CYB5RL: variants seen among roughly 807,000 people sequenced by gnomAD.
CYB5RL encodes the protein NADH-cytochrome b5 reductase-like.
Under a neutral mutation model 37.5 loss-of-function variants are expected in CYB5RL, and 38 were observed. The ratio of observed to expected loss-of-function variants is 1.01; its 90% confidence interval spans 0.78 to 1.33. The LOEUF is 1.33. Ranked by LOEUF, CYB5RL falls within the 40% of genes most tolerant of loss-of-function variation. The pLI, the probability that CYB5RL is intolerant of heterozygous loss-of-function variation, is 0.00. For missense variants in CYB5RL, 388 were observed against 394.4 expected, an observed-to-expected ratio of 0.98 and a Z score of 0.14; for synonymous variants, 141 against 151.9, an observed-to-expected ratio of 0.93 and a Z score of 0.53.
chr1:54,174,783 T>G lies in CYB5RL; in HGVS notation c.784A>C (p.Lys262Gln). The change falls in exon 8 of 8, where the codon AAA (lysine) becomes CAA (glutamine). Residue 262 changes from lysine to glutamine, a missense_variant. Physicochemically the swap from Lys to Gln is moderately conservative, Grantham distance 53. Transcript: ENST00000534324. Reference protein sequence around the residue: ...SEQLPWSYQEKTHFGHLGQDL... With the variant: ...SEQLPWSYQEQTHFGHLGQDL... ...TGGCCCAGGTGGCCAAAGTGGGTTT[T>G]CTCTTGGTAACTCCAGGGAAGCTGC... 6.2e-7 allele frequency: 1 copy of G among 1,613,878 alleles called. No individual in the cohort carries two copies. The highest frequency in any genetic ancestry group is 8.5e-7 in the Non-Finnish European group (1 of 1,179,868).
In CYB5RL at chr1:54,171,306, C is replaced by A. The variant is rs566277208; in HGVS notation, c.*3313G>T. The A allele has an allele frequency of 8.8e-6, 4 of 456,344 alleles. No homozygotes were observed. Among genetic ancestry groups the A allele is most frequent in the Non-Finnish European group, 1.8e-5 (4 of 226,802 alleles). 28.3% of individuals were successfully genotyped at this position (456,344 alleles called of 1,614,324 possible). A position where few individuals can be genotyped will look rare whatever the true frequency, so the allele number is the denominator to read the frequency against. On this transcript the variant is annotated 3_prime_UTR_variant, in exon 8 of 8. Coordinates refer to ENST00000534324, the MANE Select transcript of CYB5RL (RefSeq NM_001031672.4). ...GTGGGTGTGAGTGGGCGGTGGCATACAAAAAGTCTGGAGAGGTGGCAGAGC... is the reference window on the plus strand; with the variant it reads ...GTGGGTGTGAGTGGGCGGTGGCATAAAAAAAGTCTGGAGAGGTGGCAGAGC...
chr1:54,187,358 C>A (rs1643909748), intron 5 of CYB5RL, among the ~76,000 whole-genome samples: 1 of 152,190 alleles, frequency 6.6e-6, no homozygotes, highest in Non-Finnish European at 1.5e-5. Context: ...ACTCCTTCTT[C>A]AAGGTCCAAC....
Position 54,179,329 on chromosome 1 carries a change from AG to A in CYB5RL, c.563del (p.Ala188ValfsTer40). 1 of 1,613,446 alleles carries A rather than the reference AG, an allele frequency of 6.2e-7. No homozygotes were observed. Among genetic ancestry groups the A allele is most frequent in the Non-Finnish European group, 8.5e-7 (1 of 1,179,792 alleles). On this transcript the variant is annotated frameshift_variant, in exon 7 of 8. Coordinates refer to ENST00000534324, the MANE Select transcript of CYB5RL (RefSeq NM_001031672.4). LOFTEE classifies it high-confidence loss of function. The stretch of plus-strand genomic sequence containing the variant: ...CCATGGGGGCCAGGCCCGTGCCCGC[AG>A]CCAGCAAGAGGAGCTCACCATACTG... Reference protein sequence around the residue: ...PNQYGELLLLAAGTGLAPMVP... With the variant: ...PNQYGELLLLXAGTGLAPMVP...
rs930414308 is a variant in CYB5RL, at chr1:54,194,382, G to T, written c.198+1037C>A. 6.6e-5 allele frequency among the ~76,000 whole-genome samples: 10 copies of T among 151,480 alleles called. No individual in the cohort carries two copies. The East Asian group carries it at 7.7e-4, about 12-fold the overall frequency. On this transcript the variant is annotated intron_variant, in intron 3 of 7. Transcript: ENST00000534324. ...CAAAACTCCATCTCAAAAAAAAAAAGAAAGGAAAAGAAAAGATAAGAAAAA... is the reference window on the plus strand; with the variant it reads ...CAAAACTCCATCTCAAAAAAAAAAATAAAGGAAAAGAAAAGATAAGAAAAA...
intron 7 of CYB5RL, among the ~76,000 whole-genome samples, chr1:54,177,349 C>T (rs1660045997): frequency 2.0e-5 from 3 of 152,156 alleles, no homozygotes; most frequent in Admixed American, 2.0e-4. Context: ...ATGGCCAGCC[C>T]ACTCGCTTGC....
chr1:54,191,742 C>T (rs746879635), intron 3 of CYB5RL, among the ~76,000 whole-genome samples: 1 of 152,244 alleles, frequency 6.6e-6, no homozygotes, highest in Non-Finnish European at 1.5e-5. Context: ...TTGGGCTTGG[C>T]ATTCAAGGCC....
chr1:54,175,164 C>T (rs1659990822), intron 7 of CYB5RL, among the ~76,000 whole-genome samples: 1 of 152,256 alleles, frequency 6.6e-6, no homozygotes, highest in East Asian at 1.9e-4. Context: ...TCTCCCCTGA[C>T]TGTGGGTTTC....
Position 54,170,737 on chromosome 1 carries a change from G to A in CYB5RL, c.*3882C>T, listed in dbSNP as rs1659872546. The A allele has an allele frequency of 4.1e-6, 1 of 241,288 alleles. No individual in the cohort carries two copies. The highest frequency in any genetic ancestry group is 9.1e-5 in the East Asian group (1 of 11,026). The allele number at this position is 241,288 out of a possible 1,614,324, so 14.9% of individuals were successfully genotyped here. A position where few individuals can be genotyped will look rare whatever the true frequency, so the allele number is the denominator to read the frequency against. ...AGTAACAATCTTTATACACATCTCT[G>A]GTTGCACTCATGTGTCACACACAAC... is the stretch of plus-strand genomic sequence containing the variant. On this transcript the variant is annotated 3_prime_UTR_variant, in exon 8 of 8. Transcript: ENST00000534324.
intron 7 of CYB5RL, among the ~76,000 whole-genome samples, chr1:54,178,084 G>A (rs1020974360): frequency 2.6e-5 from 4 of 152,152 alleles, no homozygotes; most frequent in South Asian, 4.1e-4. Flanking sequence ...GGCACTTTCC[G>A]CTGCTATAAA....
In CYB5RL at chr1:54,171,478, A is replaced by G. The variant is rs80295681; in HGVS notation, c.*3141T>C. 6.9e-3 allele frequency: 3,143 copies of G among 454,288 alleles called. 25 individuals carry two copies. Among genetic ancestry groups the G allele is most frequent in the Non-Finnish European group, 0.01 (2,305 of 225,454 alleles). The allele number at this position is 454,288 out of a possible 1,614,324, so 28.1% of individuals were successfully genotyped here. On this transcript the variant is annotated 3_prime_UTR_variant, in exon 8 of 8. Coordinates refer to ENST00000534324, the MANE Select transcript of CYB5RL (RefSeq NM_001031672.4). The stretch of plus-strand genomic sequence containing the variant: ...TGGGAGCTGGGAGACCCATGAGGGG[A>G]ACACAGAAGTGACGTTGGTAAACAT...
intron 1 of CYB5RL, among the ~76,000 whole-genome samples, chr1:54,199,434 G>A (rs1301693091): frequency 6.6e-6 from 1 of 152,228 alleles, no homozygotes; most frequent in Non-Finnish European, 1.5e-5. Context: ...GGAAGTGTGT[G>A]TATCGCAGTT....
At chr1:54,180,197 A>T in intron 6 of CYB5RL, 1 of 411,854 alleles carries the variant, frequency 2.4e-6, no homozygotes, top group Non-Finnish European at 4.7e-6. Flanking sequence ...AGATCATGCC[A>T]CTGCACTCCA....
intron 7 of CYB5RL, among the ~76,000 whole-genome samples, chr1:54,176,233 A>T (rs747606249): frequency 6.6e-6 from 1 of 152,242 alleles, no homozygotes; most frequent in Non-Finnish European, 1.5e-5. Flanking sequence ...ATTCTGAGGC[A>T]CACTCAAAGG....
chr1:54,193,048 C>A (rs536946489), intron 3 of CYB5RL, among the ~76,000 whole-genome samples: 15 of 152,352 alleles, frequency 9.8e-5, no homozygotes, highest in African/African-American at 2.9e-4. Flanking sequence ...AGCCACCGTG[C>A]CTGGCCAAGT....
intron 7 of CYB5RL, among the ~76,000 whole-genome samples, chr1:54,175,849 T>A (rs1449050080): frequency 6.6e-6 from 1 of 152,158 alleles, no homozygotes; most frequent in East Asian, 1.9e-4. Context: ...CCATTTTATA[T>A]CAAGGACTCG....
In CYB5RL at chr1:54,190,690, G is replaced by A. The variant is rs947834313; in HGVS notation, c.347+58C>T. 9.7e-6 allele frequency: 15 copies of A among 1,548,530 alleles called. No homozygotes were observed. In the Admixed American group the frequency reaches 1.4e-4, roughly 14 times the overall value. On this transcript the variant is annotated intron_variant, in intron 4 of 7. Coordinates refer to ENST00000534324, the MANE Select transcript of CYB5RL (RefSeq NM_001031672.4). Reference sequence around the variant, plus strand: ...GTACGCTAGTTGGTCAAGGCCAGCAGCTAGCAAATAGCAAAGCAGGGCTGT... The same window carrying A: ...GTACGCTAGTTGGTCAAGGCCAGCAACTAGCAAATAGCAAAGCAGGGCTGT...
At position 54,179,340 on chromosome 1, in the gene CYB5RL, G is replaced by A. The variant is rs1173541522; in HGVS notation, c.553C>T (p.Leu185Phe). The change falls in exon 7 of 8, where the codon CTC becomes TTC. Residue 185 changes from leucine to phenylalanine, a missense_variant. Physicochemically the swap from Leu to Phe is conservative, Grantham distance 22. Transcript: ENST00000534324. Reference sequence around the variant, plus strand: ...AGGCCCGTGCCCGCAGCCAGCAAGAGGAGCTCACCATACTGGGGAACAGAA... The same window carrying A: ...AGGCCCGTGCCCGCAGCCAGCAAGAAGAGCTCACCATACTGGGGAACAGAA... ...FYKPNQYGEL[L>F]LLAAGTGLAP... 1 of 1,612,992 alleles carries A rather than the reference G, an allele frequency of 6.2e-7. No individual in the cohort carries two copies. The highest frequency in any genetic ancestry group is 8.5e-7 in the Non-Finnish European group (1 of 1,179,710).
At chr1:54,179,442 C>A in intron 6 of CYB5RL, 90 bp from the exon 7 acceptor site, 1 of 1,357,700 alleles carries the variant, frequency 7.4e-7, no homozygotes, top group Non-Finnish European at 1.0e-6. Context: ...GAGCTTCCTT[C>A]AACTGGACGG....
intron 5 of CYB5RL, 46 bp downstream of exon 5, chr1:54,187,606 A>G: frequency 6.3e-7 from 1 of 1,581,872 alleles, no homozygotes; most frequent in South Asian, 1.1e-5. Flanking sequence ...TCTTAGACCC[A>G]TAGCTTCTCC....
Sources: gnomAD v4.1 joint callset for allele counts (sites outside exome capture counted in the v4.1 genomes callset) on GRCh38, gnomAD v4.1.1 for gene constraint, MANE v1.5 for transcripts, NCBI Gene and HGNC (gene_info 2026-07-23, HGNC 2026-07-21) for gene names.